The following DAB1 variants were observed in gnomAD, a reference collection of about 807,000 sequenced individuals.
DAB1 encodes the protein disabled homolog 1.
Under a neutral mutation model 64.6 loss-of-function variants are expected in DAB1, and 15 were observed. That is an observed-to-expected ratio of 0.23 (90% confidence interval 0.16 to 0.36). DAB1 has a LOEUF of 0.36. Among genes scored for constraint, DAB1 ranks in the 10% least tolerant of loss-of-function variants. DAB1 has a pLI of 1.00. For missense variants in DAB1, 596 were observed against 706.7 expected (o/e 0.84, Z 1.78); for synonymous variants, 235 against 251.9 (o/e 0.93, Z 0.64).
intron 6 of DAB1, among the ~76,000 whole-genome samples, chr1:57,776,884 G>A (rs893213773): frequency 6.6e-6 from 1 of 151,506 alleles, no homozygotes; most frequent in African/African-American, 2.4e-5. Context: ...TTACTCACAT[G>A]TTTACCATTT....
At chr1:58,040,677 A>G (rs902086112) in intron 5 of DAB1, among the ~76,000 whole-genome samples, 2 of 152,192 alleles carry the variant, frequency 1.3e-5, no homozygotes, top group Admixed American at 6.5e-5. Flanking sequence ...AAAATATACC[A>G]CATGTCTAAA....
chr1:58,141,493 G>T (rs1040671780), intron 5 of DAB1, among the ~76,000 whole-genome samples: 7 of 152,106 alleles, frequency 4.6e-5, no homozygotes, highest in African/African-American at 1.7e-4. Flanking sequence ...GATTTGCGTA[G>T]GGACACAGCC....
intron 3 of DAB1, among the ~76,000 whole-genome samples, chr1:58,454,322 G>A (rs1240559609): frequency 3.3e-5 from 5 of 152,150 alleles, no homozygotes; most frequent in Admixed American, 1.3e-4. Flanking sequence ...TCCAGCTGCA[G>A]GAGCAACTGC....
At chr1:58,375,581 G>C (rs1168271253) in intron 3 of DAB1, among the ~76,000 whole-genome samples, 3 of 149,560 alleles carry the variant, frequency 2.0e-5, no homozygotes, top group Non-Finnish European at 4.5e-5. Context: ...GATTCAGTTT[G>C]CCAGTATTTT....
chr1:57,178,300 CAA>C (rs58705693), intron 2 of DAB1, among the ~76,000 whole-genome samples: 156 of 123,590 alleles, frequency 1.3e-3, no homozygotes, highest in South Asian at 5.1e-3. Flanking sequence ...AAGATATATG[CAA>C]AAAAAAAAAA....
downstream of DAB1, among the ~76,000 whole-genome samples, chr1:57,822,100 C>T (rs1652147824): frequency 6.6e-6 from 1 of 152,152 alleles, no homozygotes; most frequent in Non-Finnish European, 1.5e-5. Flanking sequence ...ACGTATCTGA[C>T]CATTTTTGTA....
chr1:58,426,993 G>A (rs1051711695), intron 3 of DAB1, among the ~76,000 whole-genome samples: 3 of 152,166 alleles, frequency 2.0e-5, no homozygotes, highest in South Asian at 4.1e-4. Context: ...TCACCTTTTG[G>A]ATATTTCTGG....
At chr1:57,711,903 AC>A (rs1647033515) in intron 6 of DAB1, among the ~76,000 whole-genome samples, 1 of 152,222 alleles carries the variant, frequency 6.6e-6, no homozygotes. Flanking sequence ...ATCTAGACTA[AC>A]ATGTTATTGG....
intron 3 of DAB1, among the ~76,000 whole-genome samples, chr1:58,403,310 A>AG (rs397714988): frequency 2.0e-5 from 3 of 151,772 alleles, no homozygotes; most frequent in East Asian, 1.9e-4. Flanking sequence ...AAAAAAAAAA[A>AG]TCACTAAAAC....
At chr1:57,961,404 G>A (rs1030272045) in intron 5 of DAB1, among the ~76,000 whole-genome samples, 4 of 151,958 alleles carry the variant, frequency 2.6e-5, no homozygotes, top group South Asian at 2.1e-4. Flanking sequence ...TCAGAACTCC[G>A]CCTGTGATCT....
At chr1:58,071,315 A>AATCCATGT (rs1649230843) in intron 5 of DAB1, among the ~76,000 whole-genome samples, 1 of 151,726 alleles carries the variant, frequency 6.6e-6, no homozygotes, top group African/African-American at 2.4e-5. Context: ...GAAGATCCAG[A>AATCCATGT]ATCCATGTGA....
intron 5 of DAB1, chr1:58,074,564 G>GTGTGTGTATATATATATATATATATATA (rs1332531604): frequency 7.3e-4 from 67 of 91,594 alleles, no homozygotes; most frequent in Admixed American, 3.1e-3. Flanking sequence ...ATATATGTGT[G>GTGTGTGTATATATATATATATATATATA]TATATATATA....
intron 5 of DAB1, among the ~76,000 whole-genome samples, chr1:58,116,556 T>C (rs1384890116): frequency 6.6e-6 from 1 of 152,196 alleles, no homozygotes; most frequent in African/African-American, 2.4e-5. Context: ...ATGTATCTTT[T>C]AAATAGGATT....
chr1:58,396,319 C>T (rs919359109), intron 3 of DAB1, among the ~76,000 whole-genome samples: 1 of 152,086 alleles, frequency 6.6e-6, no homozygotes, highest in African/African-American at 2.4e-5. Flanking sequence ...TTGTTCCTAT[C>T]GATTACCCAC....
intron 5 of DAB1, among the ~76,000 whole-genome samples, chr1:58,016,912 G>A (rs1240780302): frequency 6.6e-6 from 1 of 152,080 alleles, no homozygotes; most frequent in East Asian, 1.9e-4. Context: ...CTACTTGCCA[G>A]CCTCTACACT....
chr1:57,867,793 T>G (rs1211627443), intron 1 of DAB1, among the ~76,000 whole-genome samples: 2 of 152,150 alleles, frequency 1.3e-5, no homozygotes, highest in African/African-American at 4.8e-5. Flanking sequence ...GCAAATCCAG[T>G]GCCCTTTCTG....
At chr1:57,613,258 A>T (rs1645750151) in intron 7 of DAB1, among the ~76,000 whole-genome samples, 1 of 152,218 alleles carries the variant, frequency 6.6e-6, no homozygotes, top group Admixed American at 6.5e-5. Flanking sequence ...AAAGACATAC[A>T]CATTTTAAAA....
intron 11 of DAB1, among the ~76,000 whole-genome samples, chr1:57,018,085 C>A (rs1416850228): frequency 6.6e-6 from 1 of 152,094 alleles, no homozygotes; most frequent in Non-Finnish European, 1.5e-5. Flanking sequence ...ATCATTTGCA[C>A]CTAGAATCGA....
intron 4 of DAB1, among the ~76,000 whole-genome samples, chr1:58,224,942 A>G (rs959144669): frequency 1.1e-4 from 17 of 152,186 alleles, no homozygotes; most frequent in Non-Finnish European, 2.1e-4. Context: ...AATGGCAACA[A>G]AAGCCAAAAT....
Sources: gnomAD v4.1 joint callset for allele counts (sites outside exome capture counted in the v4.1 genomes callset) on GRCh38, gnomAD v4.1.1 for gene constraint, MANE v1.5 for transcripts, NCBI Gene and HGNC (gene_info 2026-07-23, HGNC 2026-07-21) for gene names.